SMIM31: variants seen among roughly 807,000 people sequenced by gnomAD.
SMIM31 encodes human epithelial cell program regulator.
chr4:164,758,475 G>A (rs1391526299), intron 1 of SMIM31, among the ~76,000 whole-genome samples: 1 of 152,086 alleles, frequency 6.6e-6, no homozygotes, highest in African/African-American at 2.4e-5. Context: ...CTTTAAGTAT[G>A]GTGTTAGCTC....
intron 2 of SMIM31, among the ~76,000 whole-genome samples, chr4:164,790,460 T>C (rs1476876931): frequency 6.6e-6 from 1 of 152,210 alleles, no homozygotes; most frequent in African/African-American, 2.4e-5. Context: ...CACATGACAC[T>C]TATAAATTCC....
chr4:164,782,377 A>ATT (rs760284575), intron 2 of SMIM31, among the ~76,000 whole-genome samples: 33 of 98,648 alleles, frequency 3.3e-4, no homozygotes, highest in South Asian at 5.4e-4. Flanking sequence ...TCTTTCTTTT[A>ATT]TTTTTTTTTT....
chr4:164,759,839 TA>T (rs1383520609), intron 1 of SMIM31, among the ~76,000 whole-genome samples: 1 of 152,040 alleles, frequency 6.6e-6, no homozygotes, highest in East Asian at 1.9e-4. Flanking sequence ...ATACAATAAA[TA>T]AGTAAAGATT....
intron 2 of SMIM31, among the ~76,000 whole-genome samples, chr4:164,773,334 T>A (rs1403322401): frequency 6.6e-6 from 1 of 152,206 alleles, no homozygotes; most frequent in East Asian, 1.9e-4. Flanking sequence ...AGCCTCTGTG[T>A]TAGTCTGTTC....
At chr4:164,793,222 G>A (rs201191451) in intron 2 of SMIM31, among the ~76,000 whole-genome samples, 1 of 152,194 alleles carries the variant, frequency 6.6e-6, no homozygotes, top group East Asian at 1.9e-4. Context: ...AGTGAGGAGG[G>A]AGAAAAGAAG....
chr4:164,758,636 T>TTG (rs1553964702), intron 1 of SMIM31, among the ~76,000 whole-genome samples: 74 of 124,864 alleles, frequency 5.9e-4, no homozygotes, highest in African/African-American at 2.0e-3. Context: ...TTTTGTTTTT[T>TTG]TTTTTTTTTT....
chr4:164,777,495 G>A (rs78247650), intron 2 of SMIM31, among the ~76,000 whole-genome samples: 5,374 of 152,220 alleles, frequency 0.035, 321 homozygotes, highest in African/African-American at 0.12. Context: ...ATAGTGACGC[G>A]GCAGTAGCTG....
chr4:164,771,874 G>A (rs532042895), intron 2 of SMIM31, among the ~76,000 whole-genome samples: 3 of 152,122 alleles, frequency 2.0e-5, no homozygotes, highest in Non-Finnish European at 4.4e-5. Flanking sequence ...TCTCATTTTG[G>A]TGCCTTAAAA....
At chr4:164,762,695 AG>A (rs1732668465) in intron 1 of SMIM31, among the ~76,000 whole-genome samples, 1 of 151,410 alleles carries the variant, frequency 6.6e-6, no homozygotes, top group African/African-American at 2.4e-5. Flanking sequence ...AAAAAGAAAA[AG>A]AAAAAGAAAG....
intron 2 of SMIM31, among the ~76,000 whole-genome samples, chr4:164,787,734 T>C (rs1228450904): frequency 6.6e-6 from 1 of 152,182 alleles, no homozygotes; most frequent in Non-Finnish European, 1.5e-5. Flanking sequence ...GTGTTTTATA[T>C]AAACATATGC....
rs145559084 is a variant in SMIM31, at chr4:164,803,045, T to G, written c.*1851T>G. ...GCTGACAAATGGATGAGAGATAGTA[T>G]AAGTAAAATGTGTAACTCAGTGCCT... On this transcript the variant is annotated 3_prime_UTR_variant, in exon 3 of 3. Coordinates refer to ENST00000507311, the MANE Select transcript of SMIM31 (RefSeq NM_001352885.1). 6.6e-6 allele frequency: 1 copy of G among 152,230 alleles called. No individual in the cohort carries two copies. The highest frequency in any genetic ancestry group is 1.5e-5 in the Non-Finnish European group (1 of 68,036). 9.4% of individuals were successfully genotyped at this position (152,230 alleles called of 1,614,324 possible).
At chr4:164,783,833 A>AT (rs1255081288) in intron 2 of SMIM31, among the ~76,000 whole-genome samples, 1 of 151,430 alleles carries the variant, frequency 6.6e-6, no homozygotes, top group East Asian at 1.9e-4. Context: ...AAAATAATTA[A>AT]TTTTTTGCCT....
In SMIM31 at chr4:164,762,552, A is replaced by G. The variant is rs566019693; in HGVS notation, c.-25-7867A>G. ...GGCAACAGGGTGAAACCCCATCTCT[A>G]CTAAAAATACTAAAATATATATATA... On this transcript the variant is annotated intron_variant, in intron 1 of 2. Transcript: ENST00000507311. Among the ~76,000 whole-genome samples the G allele has an allele frequency of 1.0e-3, 155 of 151,556 alleles. 1 individual carries two copies. The highest frequency in any genetic ancestry group is 3.7e-3 in the African/African-American group (153 of 41,286).
chr4:164,796,271 T>C (rs1733193929), intron 2 of SMIM31, among the ~76,000 whole-genome samples: 1 of 152,208 alleles, frequency 6.6e-6, no homozygotes, highest in Non-Finnish European at 1.5e-5. Flanking sequence ...TATTCACAAC[T>C]GCCGAAAATG....
At chr4:164,759,924 A>G (rs777017039) in intron 1 of SMIM31, among the ~76,000 whole-genome samples, 7 of 152,200 alleles carry the variant, frequency 4.6e-5, no homozygotes, top group Non-Finnish European at 1.0e-4. Flanking sequence ...AACTTTTAAT[A>G]TGAGGGTGAG....
intron 1 of SMIM31, among the ~76,000 whole-genome samples, chr4:164,755,890 T>C (rs962036022): frequency 6.6e-6 from 1 of 152,180 alleles, no homozygotes; most frequent in Non-Finnish European, 1.5e-5. Flanking sequence ...GAAATAATTG[T>C]ATCATGAACA....
At chr4:164,755,507 G>C (rs988861137) in intron 1 of SMIM31, among the ~76,000 whole-genome samples, 3 of 116,210 alleles carry the variant, frequency 2.6e-5, no homozygotes, top group African/African-American at 1.0e-4. Flanking sequence ...GAGGAAAGGA[G>C]GGGGGAGGAG....
chr4:164,800,517 T>C (rs989051959), intron 2 of SMIM31, among the ~76,000 whole-genome samples: 1 of 152,160 alleles, frequency 6.6e-6, no homozygotes, highest in Non-Finnish European at 1.5e-5. Flanking sequence ...CTGTTTAACA[T>C]ATTTATTTCA....
chr4:164,798,791 G>A (rs1409740113), intron 2 of SMIM31, among the ~76,000 whole-genome samples: 1 of 152,148 alleles, frequency 6.6e-6, no homozygotes, highest in Non-Finnish European at 1.5e-5. Flanking sequence ...TGTTGAAGGT[G>A]GGGCCCGGTT....
Sources: allele counts gnomAD v4.1 joint callset (sites outside exome capture counted in the v4.1 genomes callset), GRCh38; gene constraint gnomAD v4.1.1; transcripts MANE v1.5; gene names NCBI Gene and HGNC (gene_info 2026-07-23, HGNC 2026-07-21).